ANKS1B: variants seen among roughly 807,000 people sequenced by gnomAD.
ANKS1B encodes ankyrin repeat and sterile alpha motif domain-containing protein 1B.
ANKS1B carries 36 observed loss-of-function variants against 148.3 expected under a neutral mutation model. That is an observed-to-expected ratio of 0.24 (90% CI 0.19 to 0.32). The LOEUF is 0.32. Ranked by LOEUF, ANKS1B falls within the 10% of genes least tolerant of loss-of-function variation. The pLI, the probability that ANKS1B is intolerant of heterozygous loss-of-function variation, is 1.00. For missense variants in ANKS1B, 1,157 were observed against 1,542.6 expected (o/e 0.75, Z 4.19); for synonymous variants, 542 against 560.8 (o/e 0.97, Z 0.47).
intron 1 of ANKS1B, among the ~76,000 whole-genome samples, chr12:99,951,572 G>C (rs547653019): frequency 1.3e-5 from 2 of 152,166 alleles, no homozygotes; most frequent in African/African-American, 4.8e-5. Flanking sequence ...CTGGCTGTTA[G>C]CTGAATTTAA....
At chr12:99,107,730 C>T (rs993724867) in intron 15 of ANKS1B, among the ~76,000 whole-genome samples, 2 of 152,114 alleles carry the variant, frequency 1.3e-5, no homozygotes, top group Non-Finnish European at 2.9e-5. Flanking sequence ...TGTAGGTTTG[C>T]CACAATTTTC....
intron 9 of ANKS1B, among the ~76,000 whole-genome samples, chr12:99,534,562 C>A (rs2097042234): frequency 6.6e-6 from 1 of 152,096 alleles, no homozygotes; most frequent in East Asian, 1.9e-4. Context: ...CATTTCTACA[C>A]ATAATAATTA....
intron 1 of ANKS1B, among the ~76,000 whole-genome samples, chr12:99,853,241 C>G (rs1470254269): frequency 6.6e-6 from 1 of 152,170 alleles, no homozygotes; most frequent in Non-Finnish European, 1.5e-5. Flanking sequence ...CTGATGCGCT[C>G]TTGAAAGTGC....
intron 10 of ANKS1B, among the ~76,000 whole-genome samples, chr12:99,477,060 C>G (rs1312583513): frequency 6.6e-6 from 1 of 152,172 alleles, no homozygotes; most frequent in Admixed American, 6.6e-5. Context: ...GTGAACCAGA[C>G]AGCAGGAGAG....
chr12:99,127,823 C>T (rs1159135422), intron 15 of ANKS1B, among the ~76,000 whole-genome samples: 2 of 152,214 alleles, frequency 1.3e-5, no homozygotes, highest in Non-Finnish European at 2.9e-5. Flanking sequence ...GTTTTGATTG[C>T]ATCTGCCATT....
At chr12:98,759,220 A>G (rs982837240) in intron 25 of ANKS1B, among the ~76,000 whole-genome samples, 4 of 152,190 alleles carry the variant, frequency 2.6e-5, no homozygotes, top group South Asian at 2.1e-4. Flanking sequence ...AGGTCAGCTT[A>G]TATTTACTGT....
intron 9 of ANKS1B, among the ~76,000 whole-genome samples, chr12:99,644,222 T>A (rs1364263627): frequency 6.6e-6 from 1 of 152,140 alleles, no homozygotes; most frequent in Admixed American, 6.6e-5. Flanking sequence ...ATAGCAAGTA[T>A]CTCCTTTCCT....
At chr12:99,237,202 T>A (rs2088156072) in intron 14 of ANKS1B, among the ~76,000 whole-genome samples, 1 of 152,212 alleles carries the variant, frequency 6.6e-6, no homozygotes, top group African/African-American at 2.4e-5. Flanking sequence ...CCAGCCTTTT[T>A]TGTTTGGGGT....
intron 17 of ANKS1B, among the ~76,000 whole-genome samples, chr12:98,856,528 T>TAACA: frequency 6.6e-6 from 1 of 152,354 alleles, no homozygotes; most frequent in South Asian, 2.1e-4. Context: ...ACTGATTTGT[T>TAACA]AACAAACAGA....
intron 17 of ANKS1B, among the ~76,000 whole-genome samples, chr12:99,011,096 C>G (rs1215628008): frequency 6.6e-6 from 1 of 151,940 alleles, no homozygotes; most frequent in Admixed American, 6.6e-5. Context: ...TGACTCAATG[C>G]TCACCTTCAC....
chr12:99,019,561 C>G (rs1396111878), intron 17 of ANKS1B, among the ~76,000 whole-genome samples: 1 of 152,102 alleles, frequency 6.6e-6, no homozygotes, highest in Non-Finnish European at 1.5e-5. Flanking sequence ...AATAAAAATA[C>G]ACAGTAATAA....
At chr12:98,762,444 C>T (rs1271879728) in intron 25 of ANKS1B, among the ~76,000 whole-genome samples, 1 of 152,226 alleles carries the variant, frequency 6.6e-6, no homozygotes, top group Non-Finnish European at 1.5e-5. Flanking sequence ...CCATAACCCA[C>T]CAGCTAGAGC....
At chr12:99,626,176 T>G (rs942309292) in intron 9 of ANKS1B, among the ~76,000 whole-genome samples, 5 of 152,150 alleles carry the variant, frequency 3.3e-5, no homozygotes, top group African/African-American at 4.8e-5. Context: ...AGTTTTTAGT[T>G]TTCTGGGCTA....
chr12:99,850,852 G>A (rs1221268870), intron 1 of ANKS1B, among the ~76,000 whole-genome samples: 2 of 151,982 alleles, frequency 1.3e-5, no homozygotes, highest in African/African-American at 2.4e-5. Flanking sequence ...CCTAACTCAA[G>A]TTTCTCACAA....
intron 17 of ANKS1B, among the ~76,000 whole-genome samples, chr12:98,861,321 C>A (rs1490571282): frequency 6.6e-6 from 1 of 152,026 alleles, no homozygotes. Flanking sequence ...TTCTTGGAGT[C>A]CAGTTTCTGA....
chr12:99,656,371 C>T (rs2098449932), intron 8 of ANKS1B, among the ~76,000 whole-genome samples: 1 of 152,026 alleles, frequency 6.6e-6, no homozygotes, highest in African/African-American at 2.4e-5. Flanking sequence ...TGAAGCCAAC[C>T]TCTCAACAAG....
intron 17 of ANKS1B, among the ~76,000 whole-genome samples, chr12:98,953,608 A>C (rs2099857727): frequency 8.7e-6 from 1 of 115,472 alleles, no homozygotes. Context: ...CACCTCATGC[A>C]CATTCCTTTC....
At chr12:99,641,757 A>G (rs1229288305) in intron 9 of ANKS1B, among the ~76,000 whole-genome samples, 4 of 152,206 alleles carry the variant, frequency 2.6e-5, no homozygotes, top group African/African-American at 9.6e-5. Context: ...AGTGACATCA[A>G]CAATTACTGA....
intron 9 of ANKS1B, among the ~76,000 whole-genome samples, chr12:99,546,799 G>A (rs968545473): frequency 6.6e-6 from 1 of 152,176 alleles, no homozygotes; most frequent in Non-Finnish European, 1.5e-5. Context: ...TTGTGAGATG[G>A]TCTAGTTCTA....
Sources: allele counts gnomAD v4.1 joint callset (sites outside exome capture counted in the v4.1 genomes callset), GRCh38; gene constraint gnomAD v4.1.1; transcripts MANE v1.5; gene names NCBI Gene and HGNC (gene_info 2026-07-23, HGNC 2026-07-21).